TTBK2: variants seen among roughly 807,000 people sequenced by gnomAD.
TTBK2 encodes tau-tubulin kinase 2.
Under a neutral mutation model 110.8 loss-of-function variants are expected in TTBK2, and 28 were observed. The observed-to-expected ratio is 0.25, with a 90% confidence interval of 0.19 to 0.35. The LOEUF (loss-of-function observed/expected upper bound fraction) is 0.35. Among genes scored for constraint, TTBK2 ranks in the 10% least tolerant of loss-of-function variants. The pLI, the probability that TTBK2 is intolerant of heterozygous loss-of-function variation, is 1.00. For missense variants in TTBK2, 1,369 were observed against 1,500.3 expected (o/e 0.91, Z 1.45); for synonymous variants, 532 against 527.3 (o/e 1.01, Z -0.12).
In TTBK2 at chr15:42,754,838, G is replaced by A. The variant is rs184311852; in HGVS notation, c.1999-1591C>T. The stretch of plus-strand genomic sequence containing the variant: ...AGCCTGGCCAACATGGTGAAACCCC[G>A]TCTCTACTAAAAATACAAAATAAAC... On this transcript the variant is annotated intron_variant, in intron 13 of 14. Coordinates refer to ENST00000267890, the MANE Select transcript of TTBK2 (RefSeq NM_173500.4). Among the ~76,000 whole-genome samples the A allele has an allele frequency of 5.7e-4, 85 of 149,882 alleles. No homozygotes were observed. In the East Asian group the frequency reaches 0.016, roughly 29 times the overall value.
At chr15:42,847,100 G>A (rs1430543600) in intron 3 of TTBK2, among the ~76,000 whole-genome samples, 1 of 152,144 alleles carries the variant, frequency 6.6e-6, no homozygotes, top group African/African-American at 2.4e-5. Flanking sequence ...GGAATCAAGG[G>A]AGCCCCAGGT....
intron 7 of TTBK2, among the ~76,000 whole-genome samples, chr15:42,815,016 T>C (rs768829528): frequency 1.3e-5 from 2 of 152,204 alleles, no homozygotes; most frequent in African/African-American, 2.4e-5. Context: ...AAAATGCTTA[T>C]GTAGCTATTA....
intron 3 of TTBK2, among the ~76,000 whole-genome samples, chr15:42,841,274 T>C (rs1893208117): frequency 6.6e-6 from 1 of 152,160 alleles, no homozygotes; most frequent in Non-Finnish European, 1.5e-5. Context: ...TGGCAAGATC[T>C]TGGCTCACTG....
intron 3 of TTBK2, among the ~76,000 whole-genome samples, chr15:42,848,040 C>T (rs1049703851): frequency 7.9e-5 from 12 of 151,788 alleles, no homozygotes; most frequent in African/African-American, 2.9e-4. Flanking sequence ...TATAGAGATG[C>T]GGGTCTCACT....
At chr15:42,881,762 T>G (rs1366719519) in intron 1 of TTBK2, among the ~76,000 whole-genome samples, 1 of 151,712 alleles carries the variant, frequency 6.6e-6, no homozygotes, top group Non-Finnish European at 1.5e-5. Context: ...TCCCAGCTAC[T>G]CGGGAAGCTG....
chr15:42,784,506 G>C (rs976190745), intron 10 of TTBK2, among the ~76,000 whole-genome samples: 8 of 152,170 alleles, frequency 5.3e-5, no homozygotes, highest in Admixed American at 4.6e-4. Context: ...TCAAACTCCT[G>C]ACCTCAGGTG....
chr15:42,877,229 C>CA (rs1234102483), intron 2 of TTBK2, among the ~76,000 whole-genome samples: 4 of 151,904 alleles, frequency 2.6e-5, no homozygotes, highest in African/African-American at 4.8e-5. Flanking sequence ...GTTAACACCA[C>CA]AAAAAAGATA....
rs2061755444 is a variant in TTBK2 at position 42,742,134 on chromosome 15, G to A, written c.*3661C>T. On this transcript the variant is annotated 3_prime_UTR_variant, in exon 15 of 15. Coordinates refer to ENST00000267890, the MANE Select transcript of TTBK2 (RefSeq NM_173500.4). ...GGAGACACTGTACACCTAGAGCGCT[G>A]AATTAGCAGCTGAGGTTTTAGTATT... is the stretch of plus-strand genomic sequence containing the variant. 1 of 152,358 alleles carries A rather than the reference G, an allele frequency of 6.6e-6. No homozygotes were observed. Among genetic ancestry groups the A allele is most frequent in the African/African-American group, 2.4e-5 (1 of 41,586 alleles). 9.4% of individuals were successfully genotyped at this position (152,358 alleles called of 1,614,324 possible).
At position 42,770,115 on chromosome 15, in the gene TTBK2, A is replaced by G. The variant is rs547486247; in HGVS notation, c.1998+5020T>C. 1.0e-3 allele frequency among the ~76,000 whole-genome samples: 53 copies of G among 52,518 alleles called. No homozygotes were observed. The South Asian group carries it at 0.033, about 33-fold the overall frequency. 34.5% of individuals were successfully genotyped at this position (52,518 alleles called of 152,430 possible). A position where few individuals can be genotyped will look rare whatever the true frequency, so the allele number is the denominator to read the frequency against. On this transcript the variant is annotated intron_variant, in intron 13 of 14. Transcript: ENST00000267890. ...CAGGGCCTGTCGTGGGGTGGGGGGC[A>G]GGGGGAGGGATAGCAGAAATACCTA...
rs2061754412 is a variant in TTBK2, at chr15:42,741,982, T to A, written c.*3813A>T. ...TCTGGGTTTATAAAACATGCACCAA[T>A]GTACACTTTCTCCTTGTAGATTGAA... On this transcript the variant is annotated 3_prime_UTR_variant, in exon 15 of 15. Coordinates refer to ENST00000267890, the MANE Select transcript of TTBK2 (RefSeq NM_173500.4). 1 of 152,198 alleles carries A rather than the reference T, an allele frequency of 6.6e-6. No homozygotes were observed. The highest frequency in any genetic ancestry group is 1.5e-5 in the Non-Finnish European group (1 of 68,034). The allele number at this position is 152,198 out of a possible 1,614,324, so 9.4% of individuals were successfully genotyped here.
At chr15:42,820,370 G>C (rs998997079) in intron 6 of TTBK2, among the ~76,000 whole-genome samples, 1 of 152,156 alleles carries the variant, frequency 6.6e-6, no homozygotes, top group African/African-American at 2.4e-5. Flanking sequence ...CATGTAGTAG[G>C]AGAGAGGAAG....
intron 1 of TTBK2, among the ~76,000 whole-genome samples, chr15:42,907,992 G>A (rs961341929): frequency 1.4e-4 from 22 of 152,020 alleles, no homozygotes; most frequent in African/African-American, 4.6e-4. Flanking sequence ...AGGCTGAGGT[G>A]GGAAGATTCC....
rs2061766946 is a variant in TTBK2 at position 42,744,325 on chromosome 15, A to G, written c.*1470T>C. ...TAGAAGATGTTCACTTGGGGAGGAAATGTATTCCTTTCTTTTTTTTTTGTT... is the reference window on the plus strand; with the variant it reads ...TAGAAGATGTTCACTTGGGGAGGAAGTGTATTCCTTTCTTTTTTTTTTGTT... On this transcript the variant is annotated 3_prime_UTR_variant, in exon 15 of 15. Transcript: ENST00000267890. 6.6e-6 allele frequency: 1 copy of G among 152,166 alleles called. No homozygotes were observed. The highest frequency in any genetic ancestry group is 1.5e-5 in the Non-Finnish European group (1 of 68,010). The allele number at this position is 152,166 out of a possible 1,614,324, so 9.4% of individuals were successfully genotyped here.
At chr15:42,842,482 C>CTTGAAAGT (rs1001630198) in intron 3 of TTBK2, among the ~76,000 whole-genome samples, 4 of 151,948 alleles carry the variant, frequency 2.6e-5, no homozygotes, top group African/African-American at 9.7e-5. Flanking sequence ...AAGGAGCTTG[C>CTTGAAAGT]TTGAAAGTAA....
intron 1 of TTBK2, among the ~76,000 whole-genome samples, chr15:42,884,848 A>C (rs1324859146): frequency 1.3e-5 from 2 of 152,198 alleles, no homozygotes; most frequent in African/African-American, 4.8e-5. Context: ...GAAGATCCAC[A>C]AAAGAAGTGA....
intron 4 of TTBK2, among the ~76,000 whole-genome samples, chr15:42,831,826 G>A (rs1157581684): frequency 6.6e-6 from 1 of 151,998 alleles, no homozygotes; most frequent in Non-Finnish European, 1.5e-5. Flanking sequence ...TATCGCAAGG[G>A]GATTTAAATA....
chr15:42,777,425 T>C (rs1889981163), intron 11 of TTBK2, among the ~76,000 whole-genome samples, 183 bp from the exon 12 acceptor site: 1 of 152,248 alleles, frequency 6.6e-6, no homozygotes, highest in African/African-American at 2.4e-5. Context: ...TGTGTTTTCT[T>C]AATTTATACT....
intron 7 of TTBK2, among the ~76,000 whole-genome samples, chr15:42,813,815 C>T (rs1891826747): frequency 6.6e-6 from 1 of 151,160 alleles, no homozygotes; most frequent in Non-Finnish European, 1.5e-5. Context: ...CATTGCAGTC[C>T]AGCCTGGGCG....
intron 13 of TTBK2, among the ~76,000 whole-genome samples, chr15:42,754,449 G>A (rs2061914359): frequency 6.6e-6 from 1 of 151,412 alleles, no homozygotes; most frequent in Non-Finnish European, 1.5e-5. Flanking sequence ...AGGCTGGAGT[G>A]CAATGGTGCA....
Sources: allele counts gnomAD v4.1 joint callset (sites outside exome capture counted in the v4.1 genomes callset), GRCh38; gene constraint gnomAD v4.1.1; transcripts MANE v1.5; gene names NCBI Gene and HGNC (gene_info 2026-07-23, HGNC 2026-07-21).